C16orf96: variants seen among roughly 807,000 people sequenced by gnomAD.
C16orf96 encodes the protein uncharacterized protein C16orf96.
Under a neutral mutation model 103.6 loss-of-function variants are expected in C16orf96, and 108 were observed. The ratio of observed to expected loss-of-function variants is 1.04; its 90% confidence interval spans 0.89 to 1.22. The LOEUF (loss-of-function observed/expected upper bound fraction) is 1.22. C16orf96 is among the 50% of genes most tolerant of loss of function. The probability of loss-of-function intolerance (pLI) is 0.00; values close to 1 mark genes in which losing one functional copy is unlikely to be tolerated. For missense variants in C16orf96, 1,586 were observed against 1,464.2 expected, an observed-to-expected ratio of 1.08 and a Z score of -1.36; for synonymous variants, 566 against 593.5, an observed-to-expected ratio of 0.95 and a Z score of 0.67.
chr16:4,558,340 G>C (rs2059289630), intron 1 of C16orf96, among the ~76,000 whole-genome samples: 1 of 152,230 alleles, frequency 6.6e-6, no homozygotes, highest in African/African-American at 2.4e-5. Flanking sequence ...AATAAGCCGA[G>C]CACAGTGGCT....
intron 1 of C16orf96, among the ~76,000 whole-genome samples, chr16:4,564,459 C>T (rs1303335495): frequency 6.6e-6 from 1 of 152,176 alleles, no homozygotes; most frequent in Non-Finnish European, 1.5e-5. Flanking sequence ...TTTACTCCCT[C>T]AGAAACTACA....
upstream of C16orf96, among the ~76,000 whole-genome samples, chr16:4,555,609 G>C (rs946461697): frequency 6.6e-6 from 1 of 151,852 alleles, no homozygotes; most frequent in Non-Finnish European, 1.5e-5. Context: ...CTGACCCCGT[G>C]GTCCACCCGC....
At chr16:4,582,275 T>G (rs1457918350) in intron 7 of C16orf96, among the ~76,000 whole-genome samples, 1 of 148,824 alleles carries the variant, frequency 6.7e-6, no homozygotes, top group Non-Finnish European at 1.5e-5. Flanking sequence ...AGAGCAAGAC[T>G]CAGTCTCAAA....
chr16:4,570,611 C>T (rs550452047), intron 1 of C16orf96, among the ~76,000 whole-genome samples: 2 of 152,032 alleles, frequency 1.3e-5, no homozygotes, highest in East Asian at 1.9e-4. Flanking sequence ...ATTACAGGCA[C>T]GCAACATCAG....
At chr16:4,551,786 T>C (rs1420828455), upstream of C16orf96, among the ~76,000 whole-genome samples, 1 of 152,156 alleles carries the variant, frequency 6.6e-6, no homozygotes, top group Non-Finnish European at 1.5e-5. Flanking sequence ...ATACATGTGC[T>C]GAATGTGCAG....
intron 1 of C16orf96, chr16:4,563,267 T>C: frequency 2.4e-6 from 1 of 415,450 alleles, no homozygotes; most frequent in Non-Finnish European, 4.6e-6. Flanking sequence ...TTTTTATTTT[T>C]AAGGCAGGGT....
At position 4,594,811 on chromosome 16, in the gene C16orf96, G is replaced by C; in HGVS notation, c.3127+8G>C. On this transcript the variant is annotated splice_region_variant and intron_variant, in intron 14 of 15. Transcript: ENST00000444310. ...TCGCAAAGGAGCTGGCAGGTGAGGG[G>C]CGTAGGGCTCCCTGGGGCACCCTTG... The C allele has an allele frequency of 6.5e-7, 1 of 1,549,512 alleles. No individual in the cohort carries two copies. Among genetic ancestry groups the C allele is most frequent in the Non-Finnish European group, 8.7e-7 (1 of 1,146,714 alleles).
intron 1 of C16orf96, among the ~76,000 whole-genome samples, chr16:4,558,742 C>T (rs2059295081): frequency 6.6e-6 from 1 of 152,006 alleles, no homozygotes; most frequent in African/African-American, 2.4e-5. Context: ...TGGTGAAACC[C>T]TGTCTCTACT....
chr16:4,542,735 T>G, the C16orf96 span, among the ~76,000 whole-genome samples: 30 of 152,082 alleles, frequency 2.0e-4, no homozygotes, highest in African/African-American at 7.2e-4. Context: ...AGGCGGAGGT[T>G]GCAGTGAGGC....
Position 4,593,733 on chromosome 16 carries a change from T to G in C16orf96, c.2867+417T>G, listed in dbSNP as rs1291029977. On this transcript the variant is annotated intron_variant, in intron 12 of 15. Coordinates refer to ENST00000444310, the MANE Select transcript of C16orf96 (RefSeq NM_001145011.2). The surrounding 1 kb of genome is among the most constrained non-coding windows in gnomAD (Gnocchi z 4.2). ...GGGCTCACCTGGCCTTGTTGAGTCC[T>G]CACAGCTGCCCTCTAAGATGTATCC... is the stretch of plus-strand genomic sequence containing the variant. Among the ~76,000 whole-genome samples, 1 of 152,114 alleles carries G rather than the reference T, an allele frequency of 6.6e-6. No homozygotes were observed. Among genetic ancestry groups the G allele is most frequent in the Non-Finnish European group, 1.5e-5 (1 of 68,012 alleles).
Position 4,571,547 on chromosome 16 carries a change from C to T in C16orf96, c.421-14C>T. 1 of 1,549,694 alleles carries T rather than the reference C, an allele frequency of 6.5e-7. No homozygotes were observed. Among genetic ancestry groups the T allele is most frequent in the Non-Finnish European group, 8.7e-7 (1 of 1,145,538 alleles). On this transcript the variant is annotated splice_polypyrimidine_tract_variant and intron_variant, in intron 1 of 15. Transcript: ENST00000444310. The stretch of plus-strand genomic sequence containing the variant: ...GCCATACCCGGCTTCACATTTTCTC[C>T]TCCTCTTTTGCAGTCAATGCAGACC...
intron 2 of C16orf96, among the ~76,000 whole-genome samples, chr16:4,572,608 C>T (rs944951120): frequency 2.0e-5 from 3 of 152,038 alleles, no homozygotes; most frequent in South Asian, 2.1e-4. Context: ...GCAATACTGA[C>T]GTTTCTCAGT....
At chr16:4,547,534 G>T in the C16orf96 span, among the ~76,000 whole-genome samples, 1 of 152,110 alleles carries the variant, frequency 6.6e-6, no homozygotes, top group South Asian at 2.1e-4. Flanking sequence ...CTAGGGCGTG[G>T]GGAGTTCAGG....
intron 14 of C16orf96, among the ~76,000 whole-genome samples, chr16:4,597,700 G>A (rs1897202600): frequency 6.6e-6 from 1 of 152,062 alleles, no homozygotes; most frequent in African/African-American, 2.4e-5. Context: ...GGAACTACAG[G>A]CGTGCGCCAC....
intron 1 of C16orf96, among the ~76,000 whole-genome samples, chr16:4,558,903 G>T (rs113867889): frequency 7.4e-6 from 1 of 135,906 alleles, no homozygotes; most frequent in Non-Finnish European, 1.5e-5. Flanking sequence ...GACAGAGCGA[G>T]ACTCTGTCTC....
At chr16:4,539,808 C>T in the C16orf96 span, among the ~76,000 whole-genome samples, 4 of 152,108 alleles carry the variant, frequency 2.6e-5, no homozygotes, top group African/African-American at 9.7e-5. Flanking sequence ...GATTGGTACT[C>T]TTAGGTGTTT....
the C16orf96 span, chr16:4,538,876 T>A: frequency 6.6e-6 from 1 of 152,106 alleles, no homozygotes; most frequent in East Asian, 1.9e-4. Context: ...ATGACGTCAG[T>A]GGGAGCGGAG....
At chr16:4,594,865 T>TGA (rs1362704922) in intron 14 of C16orf96, 62 bp downstream of exon 14, 3 of 1,502,282 alleles carry the variant, frequency 2.0e-6, no homozygotes, top group East Asian at 4.9e-5. Flanking sequence ...CTGGGCAGGG[T>TGA]GAGAGGGTGC....
At chr16:4,599,115 AAAG>A (rs1304994812) in intron 14 of C16orf96, among the ~76,000 whole-genome samples, 166 bp from the exon 15 acceptor site, 1 of 151,976 alleles carries the variant, frequency 6.6e-6, no homozygotes, top group Non-Finnish European at 1.5e-5. Context: ...AAAAAAAAAA[AAAG>A]AAGCCAAGGA....
Sources: gnomAD v4.1 joint callset for allele counts (sites outside exome capture counted in the v4.1 genomes callset) on GRCh38, gnomAD v4.1.1 for gene constraint, Gnocchi (gnomAD v3.1) non-coding constraint, MANE v1.5 for transcripts, NCBI Gene and HGNC (gene_info 2026-07-23, HGNC 2026-07-21) for gene names.